The following IGFL1 variants were observed in gnomAD, a reference collection of about 807,000 sequenced individuals.
IGFL1 encodes the protein insulin growth factor-like family member 1.
IGFL1 carries 16 observed loss-of-function variants against 16.0 expected under a neutral mutation model. The observed-to-expected ratio is 1.00, with a 90% CI of 0.68 to 1.52. IGFL1 has a LOEUF of 1.52. IGFL1 is among the 40% of genes most tolerant of loss of function. The pLI is 0.00. For synonymous variants in IGFL1, 59 were observed against 54.0 expected, an observed-to-expected ratio of 1.09 and a Z score of -0.41; for missense variants, 149 against 141.7, an observed-to-expected ratio of 1.05 and a Z score of -0.26.
At position 46,230,364 on chromosome 19, in the gene IGFL1, A is replaced by G; in HGVS notation, c.170A>G (p.Asp57Gly). ...GACCCCCTGCAGCACTGTTGCTATG[A>G]TGATGCCGTCGTGCCCTTGGCCAGG... ...FYDPLQHCCY[D>G]DAVVPLARTQ... Residue 57 changes from aspartate to glycine, a missense_variant, in exon 3 of 4, where the codon GAT becomes GGT. By Grantham distance (94) the Asp-to-Gly change is moderately conservative. Coordinates refer to ENST00000437936, the MANE Select transcript of IGFL1 (RefSeq NM_198541.2). 6.2e-7 allele frequency: 1 copy of G among 1,614,004 alleles called. No individual in the cohort carries two copies. The highest frequency in any genetic ancestry group is 8.5e-7 in the Non-Finnish European group (1 of 1,179,888).
At chr19:46,230,665 C>T in intron 3 of IGFL1, 148 bp downstream of exon 3, 4 of 1,399,946 alleles carry the variant, frequency 2.9e-6, no homozygotes, top group Non-Finnish European at 4.0e-6. Context: ...ACCTGTGTCT[C>T]CATCCATTTT....
chr19:46,230,122 T>A lies in IGFL1; in HGVS notation c.40T>A (p.Phe14Ile), dbSNP rs760306898. ...RGCIVAVFAIFCISRLLCSHG... is the reference protein window; with the variant it reads ...RGCIVAVFAIICISRLLCSHG... ...CTTTCCCACAGCTGTCTTTGCCATT[T>A]TCTGCATCTCCAGGCTCCTCTGCTC... is the stretch of plus-strand genomic sequence containing the variant. The change falls in exon 2 of 4, where the codon TTC (phenylalanine) becomes ATC (isoleucine). Residue 14 changes from phenylalanine to isoleucine, a missense_variant. By Grantham distance (21) the Phe-to-Ile change is conservative. Coordinates refer to ENST00000437936, the MANE Select transcript of IGFL1 (RefSeq NM_198541.2). 13 of 1,613,792 alleles carry A rather than the reference T, an allele frequency of 8.1e-6. No individual in the cohort carries two copies. The South Asian group carries it at 1.4e-4, about 18-fold the overall frequency.
chr19:46,230,707 C>A (rs779192824), intron 3 of IGFL1, 114 bp from the exon 4 acceptor site: 26 of 1,386,282 alleles, frequency 1.9e-5, no homozygotes, highest in Non-Finnish European at 2.4e-5. Flanking sequence ...CTCTCTCTAC[C>A]CCGCTGTCCT....
rs115544738 is a variant in IGFL1 at position 46,230,040 on chromosome 19, C to G, written c.26-68C>G. ...AGCCCTGGTTCCACCCAGTCTTCTT[C>G]TAAATGTCAGTGCCAGTCATATCTG... On this transcript the variant is annotated intron_variant, in intron 1 of 3. Transcript: ENST00000437936. The G allele has an allele frequency of 2.2e-3, 3,502 of 1,566,198 alleles. 69 individuals carry two copies. In the African/African-American group the frequency reaches 0.042, roughly 19 times the overall value.
At chr19:46,230,715 CCTCTCCTCCTGG>C (rs1967234177) in intron 3 of IGFL1, 94 bp from the exon 4 acceptor site, 1 of 1,412,724 alleles carries the variant, frequency 7.1e-7, no homozygotes, top group Non-Finnish European at 9.9e-7. Flanking sequence ...ACCCCGCTGT[CCTCTCCTCCTGG>C]CTCTCCTGTC....
chr19:46,230,074 C>T (rs1469485103), intron 1 of IGFL1, 34 bp from the exon 2 acceptor site: 1 of 1,607,864 alleles, frequency 6.2e-7, no homozygotes, highest in Admixed American at 1.7e-5. Context: ...TGTGGCTGTC[C>T]ACTCACCCCA....
chr19:46,230,548 G>T (rs1389565272), intron 3 of IGFL1, 31 bp downstream of exon 3: 4 of 1,609,772 alleles, frequency 2.5e-6, no homozygotes, highest in Non-Finnish European at 3.4e-6. Flanking sequence ...GGGATTGTGG[G>T]TGCAGGGTAG....
chr19:46,230,575 C>A, intron 3 of IGFL1, 58 bp downstream of exon 3: 8 of 1,596,316 alleles, frequency 5.0e-6, no homozygotes, highest in Non-Finnish European at 6.8e-6. Context: ...GCCTGTTCTG[C>A]CCTGGGTGGA....
rs186347195 is a variant in IGFL1 at position 46,230,790 on chromosome 19, G to A, written c.324-31G>A. ...CCCCATCTCTGGCCATCTCTGTCCC[G>A]CTCAGTGTCTCTCTCTGTCACTATC... On this transcript the variant is annotated intron_variant, in intron 3 of 3. Transcript: ENST00000437936. 5.1e-4 allele frequency: 813 copies of A among 1,609,898 alleles called. 6 individuals are homozygous for A. In the African/African-American group the frequency reaches 9.1e-3, roughly 18 times the overall value.
Position 46,230,843 on chromosome 19 carries a change from G to C in IGFL1, c.*13G>C. On this transcript the variant is annotated 3_prime_UTR_variant, in exon 4 of 4. Transcript: ENST00000437936. The stretch of plus-strand genomic sequence containing the variant: ...CAGTGTCAGCTAATGGAACATCAGG[G>C]GAACGATGACTCCTGGATTCTCCTT... 1.9e-6 allele frequency: 3 copies of C among 1,609,686 alleles called. No individual in the cohort carries two copies. The highest frequency in any genetic ancestry group is 2.5e-6 in the Non-Finnish European group (3 of 1,177,878).
chr19:46,231,010 G>T lies in IGFL1; in HGVS notation c.*180G>T. ...AGGCCCACCCTGCAGCTGCCCTGAG[G>T]AGGCCCACAGGTCCCCTTCTAGAAT... On this transcript the variant is annotated 3_prime_UTR_variant, in exon 4 of 4. Coordinates refer to ENST00000437936, the MANE Select transcript of IGFL1 (RefSeq NM_198541.2). 1.5e-6 allele frequency: 1 copy of T among 680,174 alleles called. No individual in the cohort carries two copies. The highest frequency in any genetic ancestry group is 2.6e-6 in the Non-Finnish European group (1 of 378,482). 42.1% of individuals were successfully genotyped at this position (680,174 alleles called of 1,614,324 possible). A position where few individuals can be genotyped will look rare whatever the true frequency, so the allele number is the denominator to read the frequency against.
chr19:46,231,109 A>G lies in IGFL1; in HGVS notation c.*279A>G, dbSNP rs1967238868. ...ACCCTCCTGATGACCCCTATGGCCA[A>G]CATCAACCCGGCACCACCCCAAGGC... On this transcript the variant is annotated 3_prime_UTR_variant, in exon 4 of 4. Coordinates refer to ENST00000437936, the MANE Select transcript of IGFL1 (RefSeq NM_198541.2). The G allele has an allele frequency of 3.6e-6, 2 of 548,822 alleles. No homozygotes were observed. The highest frequency in any genetic ancestry group is 1.9e-5 in the African/African-American group (1 of 52,960). The allele number at this position is 548,822 out of a possible 1,614,324, so 34.0% of individuals were successfully genotyped here.
rs1204639673 is a variant in IGFL1, at chr19:46,230,400, G to A, written c.206G>A (p.Cys69Tyr). 3.7e-6 allele frequency: 6 copies of A among 1,614,088 alleles called. No individual in the cohort carries two copies. Among genetic ancestry groups the A allele is most frequent in the Non-Finnish European group, 5.1e-6 (6 of 1,179,916 alleles). Reference sequence around the variant, plus strand: ...GTGCCCTTGGCCAGGACCCAGACGTGTGGAAACTGCACCTTCAGAGTCTGC... The same window carrying A: ...GTGCCCTTGGCCAGGACCCAGACGTATGGAAACTGCACCTTCAGAGTCTGC... ...AVVPLARTQT[C>Y]GNCTFRVCFE... The change falls in exon 3 of 4, where the codon TGT becomes TAT. Residue 69 changes from cysteine to tyrosine, a missense_variant. By Grantham distance (194) the Cys-to-Tyr change is radical. Transcript: ENST00000437936.
intron 3 of IGFL1, 52 bp downstream of exon 3, chr19:46,230,569 G>T: frequency 6.2e-7 from 1 of 1,601,564 alleles, no homozygotes; most frequent in East Asian, 2.2e-5. Flanking sequence ...CTGCATGCCT[G>T]TTCTGCCCTG....
Position 46,231,002 on chromosome 19 carries a change from G to T in IGFL1, c.*172G>T. ...CCTGTCTGAGGCCCACCCTGCAGCT[G>T]CCCTGAGGAGGCCCACAGGTCCCCT... On this transcript the variant is annotated 3_prime_UTR_variant, in exon 4 of 4. Coordinates refer to ENST00000437936, the MANE Select transcript of IGFL1 (RefSeq NM_198541.2). 1 of 694,410 alleles carries T rather than the reference G, an allele frequency of 1.4e-6. No homozygotes were observed. The highest frequency in any genetic ancestry group is 2.6e-6 in the Non-Finnish European group (1 of 388,706). 43.0% of individuals were successfully genotyped at this position (694,410 alleles called of 1,614,324 possible).
At chr19:46,230,064 T>TC (rs1403419543) in intron 1 of IGFL1, 44 bp from the exon 2 acceptor site, 1 of 1,599,406 alleles carries the variant, frequency 6.3e-7, no homozygotes, top group East Asian at 2.2e-5. Flanking sequence ...CAGTCATATC[T>TC]GTGGCTGTCC....
In IGFL1 at chr19:46,230,031, A is replaced by G; in HGVS notation, c.26-77A>G. On this transcript the variant is annotated intron_variant, in intron 1 of 3. Coordinates refer to ENST00000437936, the MANE Select transcript of IGFL1 (RefSeq NM_198541.2). Reference sequence around the variant, plus strand: ...GCCATACCGAGCCCTGGTTCCACCCAGTCTTCTTCTAAATGTCAGTGCCAG... The same window carrying G: ...GCCATACCGAGCCCTGGTTCCACCCGGTCTTCTTCTAAATGTCAGTGCCAG... The G allele has an allele frequency of 2.6e-6, 4 of 1,537,702 alleles. No individual in the cohort carries two copies. In the South Asian group the frequency reaches 3.4e-5, roughly 13 times the overall value.
rs374452978 is a variant in IGFL1, at chr19:46,230,431, G to A, written c.237G>A (p.Glu79=). ...CGNCTFRVCF[E]QCCPWTFMVK... is the part of the protein sequence containing the mutation. The stretch of plus-strand genomic sequence containing the variant: ...ACTGCACCTTCAGAGTCTGCTTTGA[G>A]CAGTGCTGCCCCTGGACCTTCATGG... Residue 79 remains glutamate (E), a synonymous_variant, in exon 3 of 4, where the codon GAG becomes GAA. Transcript: ENST00000437936. 479 of 1,614,052 alleles carry A rather than the reference G, an allele frequency of 3.0e-4. 1 individual carries two copies. Among genetic ancestry groups the A allele is most frequent in the Non-Finnish European group, 3.9e-4 (462 of 1,179,904 alleles).
rs1348841799 is a variant in IGFL1 at position 46,230,503 on chromosome 19, C to G, written c.309C>G (p.Asp103Glu). 1.3e-5 allele frequency: 21 copies of G among 1,613,776 alleles called. No individual in the cohort carries two copies. The highest frequency in any genetic ancestry group is 1.7e-5 in the Admixed American group (1 of 60,008). Residue 103 changes from aspartate (D) to glutamate (E), a missense_variant, in exon 3 of 4, where the codon GAC becomes GAG. By Grantham distance (45) the Asp-to-Glu change is conservative. Coordinates refer to ENST00000437936, the MANE Select transcript of IGFL1 (RefSeq NM_198541.2). ...QNCDSARTSD[D>E]RLCRSVS ...GCGACTCAGCCCGGACCTCGGATGA[C>G]AGGCTTTGTCGCAGGTGAGTCCTGT... is the stretch of plus-strand genomic sequence containing the variant.
Sources: gnomAD v4.1 joint callset for allele counts on GRCh38, gnomAD v4.1.1 for gene constraint, MANE v1.5 for transcripts, NCBI Gene and HGNC (gene_info 2026-07-23, HGNC 2026-07-21) for gene names.